Variants in PYHIN1 observed in about 807,000 individuals in gnomAD.
PYHIN1 encodes the protein pyrin and HIN domain family member 1.
PYHIN1 carries 32 observed loss-of-function variants against 43.7 expected under a neutral mutation model. The observed-to-expected ratio is 0.73, with a 90% CI of 0.55 to 0.98. The LOEUF is 0.98. PYHIN1 is among the 50% of genes least tolerant of loss of function. The pLI, the probability that PYHIN1 is intolerant of heterozygous loss-of-function variation, is 0.00. For synonymous variants in PYHIN1, 205 were observed against 203.1 expected (o/e 1.01, Z -0.08); for missense variants, 588 against 589.5 (o/e 1.00, Z 0.03).
intron 7 of PYHIN1, among the ~76,000 whole-genome samples, chr1:158,966,315 C>A (rs1571775533): frequency 6.6e-6 from 1 of 152,070 alleles, no homozygotes; most frequent in Admixed American, 6.6e-5. Flanking sequence ...GAGCTGGTAC[C>A]ATTCCTACTA....
At chr1:158,952,735 C>T (rs755926904) in intron 7 of PYHIN1, among the ~76,000 whole-genome samples, 1 of 152,162 alleles carries the variant, frequency 6.6e-6, no homozygotes, top group African/African-American at 2.4e-5. Context: ...TTTAAGATTT[C>T]TCCCAGAGGG....
chr1:158,957,820 C>T (rs1650043116), intron 7 of PYHIN1, among the ~76,000 whole-genome samples: 1 of 147,584 alleles, frequency 6.8e-6, no homozygotes, highest in Non-Finnish European at 1.5e-5. Flanking sequence ...GAACAGGCAA[C>T]CTACAAAATG....
At position 158,953,983 on chromosome 1, in the gene PYHIN1, C is replaced by G. The variant is rs1480756933; in HGVS notation, c.1359+8941C>G. 2.5e-5 allele frequency among the ~76,000 whole-genome samples: 3 copies of G among 122,166 alleles called. No homozygotes were observed. In the Admixed American group the frequency reaches 2.6e-4, roughly 11 times the overall value. The allele number at this position is 122,166 out of a possible 152,430, so 80.1% of individuals were successfully genotyped here. On this transcript the variant is annotated intron_variant, in intron 7 of 8. Transcript: ENST00000368140. ...AAGCCTCAGGAGCCGATGCGATCAA[C>G]TGGAAGAAAGGGTATCAGCAATGGA...
intron 7 of PYHIN1, among the ~76,000 whole-genome samples, chr1:158,950,059 T>C (rs1310762002): frequency 2.6e-5 from 4 of 152,178 alleles, no homozygotes; most frequent in Non-Finnish European, 2.9e-5. Flanking sequence ...AGAGACCCCA[T>C]TGGGTGTAAA....
rs145009782 is a variant in PYHIN1, at chr1:158,949,470, G to A, written c.1359+4428G>A. Among the ~76,000 whole-genome samples, 1,255 of 152,006 alleles carry A rather than the reference G, an allele frequency of 8.3e-3. 21 individuals carry two copies. Among genetic ancestry groups the A allele is most frequent in the African/African-American group, 0.029 (1,184 of 41,426 alleles). On this transcript the variant is annotated intron_variant, in intron 7 of 8. Coordinates refer to ENST00000368140, the MANE Select transcript of PYHIN1 (RefSeq NM_152501.5). ...ATATGTATACATGCGCCATGCTGGTGCGCTGTACCCACTAACTCGTCATCT... is the reference window on the plus strand; with the variant it reads ...ATATGTATACATGCGCCATGCTGGTACGCTGTACCCACTAACTCGTCATCT...
At chr1:158,947,649 AC>A (rs371703031) in intron 7 of PYHIN1, among the ~76,000 whole-genome samples, 2 of 151,854 alleles carry the variant, frequency 1.3e-5, no homozygotes, top group African/African-American at 4.8e-5. Context: ...AAGGGTCCAG[AC>A]CCATCACAGA....
At chr1:158,931,995 T>C (rs1043420475) in intron 1 of PYHIN1, among the ~76,000 whole-genome samples, 1 of 152,218 alleles carries the variant, frequency 6.6e-6, no homozygotes, top group Non-Finnish European at 1.5e-5. Flanking sequence ...AACTGGGGCA[T>C]GAATGAAGGA....
At position 158,931,613 on chromosome 1, in the gene PYHIN1, C is replaced by G. The variant is rs1300138639; in HGVS notation, c.-184C>G. The G allele has an allele frequency of 6.6e-6, 1 of 152,184 alleles. No homozygotes were observed. The highest frequency in any genetic ancestry group is 6.5e-5 in the Admixed American group (1 of 15,278). The allele number at this position is 152,184 out of a possible 1,614,324, so 9.4% of individuals were successfully genotyped here. ...AAGAAGGGCCATTTTCCCTTGTTGT[C>G]TTTGAAAATACTTCATTTTCTTAGC... On this transcript the variant is annotated 5_prime_UTR_variant, in exon 1 of 9. Transcript: ENST00000368140.
chr1:158,988,202 AG>A, the PYHIN1 span, among the ~76,000 whole-genome samples: 2 of 152,174 alleles, frequency 1.3e-5, no homozygotes, highest in South Asian at 4.1e-4. Context: ...GCCCTAGAAA[AG>A]TAATAGTTTG....
At chr1:158,969,364 C>G (rs1326677584) in intron 7 of PYHIN1, among the ~76,000 whole-genome samples, 2 of 151,892 alleles carry the variant, frequency 1.3e-5, no homozygotes, top group Non-Finnish European at 1.5e-5. Context: ...GGGCAGGCAA[C>G]TTGAAGCTAA....
intron 7 of PYHIN1, among the ~76,000 whole-genome samples, chr1:158,963,248 A>G (rs1181488790): frequency 6.6e-6 from 1 of 152,120 alleles, no homozygotes; most frequent in African/African-American, 2.4e-5. Flanking sequence ...AGAAGAACTC[A>G]GTCTATCTCT....
the PYHIN1 span, among the ~76,000 whole-genome samples, chr1:158,983,132 T>A: frequency 2.0e-5 from 3 of 152,006 alleles, no homozygotes; most frequent in South Asian, 6.2e-4. Flanking sequence ...CGTCTTTTAT[T>A]TTTTTTTCTC....
Position 158,943,892 on chromosome 1 carries a change from G to A in PYHIN1, c.1105G>A (p.Gly369Arg). 1 of 1,610,214 alleles carries A rather than the reference G, an allele frequency of 6.2e-7. No individual in the cohort carries two copies. The highest frequency in any genetic ancestry group is 8.5e-7 in the Non-Finnish European group (1 of 1,177,278). ...ATGCCACAATATCCCCTGTGAAAAAGGAGATAAGCTTCGACTCTTCTGCTT... is the reference window on the plus strand; with the variant it reads ...ATGCCACAATATCCCCTGTGAAAAAAGAGATAAGCTTCGACTCTTCTGCTT... ...GECHNIPCEK[G>R]DKLRLFCFRL... Residue 369 changes from glycine to arginine, a missense_variant, in exon 6 of 9, where the codon GGA becomes AGA. Gly to Arg is a moderately radical substitution (Grantham distance 125). Coordinates refer to ENST00000368140, the MANE Select transcript of PYHIN1 (RefSeq NM_152501.5).
chr1:158,935,149 TA>T (rs1351142342), intron 1 of PYHIN1, among the ~76,000 whole-genome samples: 2 of 152,090 alleles, frequency 1.3e-5, no homozygotes, highest in African/African-American at 4.8e-5. Flanking sequence ...CAGTTGAGTC[TA>T]AAATGTTGTA....
intron 7 of PYHIN1, among the ~76,000 whole-genome samples, chr1:158,963,465 G>A (rs1650443705): frequency 1.3e-5 from 2 of 152,048 alleles, no homozygotes; most frequent in Non-Finnish European, 2.9e-5. Flanking sequence ...GCTGGCGAGG[G>A]AACATAAAAT....
intron 7 of PYHIN1, among the ~76,000 whole-genome samples, chr1:158,952,912 C>G (rs538836615): frequency 6.6e-6 from 1 of 152,154 alleles, no homozygotes; most frequent in Admixed American, 6.5e-5. Flanking sequence ...ATGCGCGAGC[C>G]GAAGTAGGGT....
chr1:158,962,465 C>T (rs1005164059), intron 7 of PYHIN1, among the ~76,000 whole-genome samples: 5 of 152,014 alleles, frequency 3.3e-5, no homozygotes, highest in African/African-American at 1.2e-4. Flanking sequence ...ATCCGTGGGT[C>T]CCTGTTCACA....
chr1:158,941,062 C>T (rs143674317), intron 4 of PYHIN1, among the ~76,000 whole-genome samples: 158 of 152,190 alleles, frequency 1.0e-3, no homozygotes, highest in Admixed American at 2.9e-3. Context: ...CTGTTTTAGG[C>T]TGAATGGGTC....
chr1:158,950,575 G>A (rs181213255), intron 7 of PYHIN1, among the ~76,000 whole-genome samples: 3 of 152,306 alleles, frequency 2.0e-5, no homozygotes, highest in African/African-American at 4.8e-5. Flanking sequence ...GTACATTACC[G>A]TTGACATCTT....
Sources: gnomAD v4.1 joint callset for allele counts (sites outside exome capture counted in the v4.1 genomes callset) on GRCh38, gnomAD v4.1.1 for gene constraint, MANE v1.5 for transcripts, NCBI Gene and HGNC (gene_info 2026-07-23, HGNC 2026-07-21) for gene names.